Variants in OR51B5 observed in about 807,000 individuals in gnomAD.
The protein encoded by OR51B5 is olfactory receptor family 51 subfamily B member 5.
For synonymous variants in OR51B5, 186 were observed against 144.8 expected (o/e 1.28, Z -2.04); for missense variants, 456 against 374.6 (o/e 1.22, Z -1.79).
At chr11:5,426,894 A>C (rs191421649) in intron 1 of OR51B5, among the ~76,000 whole-genome samples, 5 of 152,226 alleles carry the variant, frequency 3.3e-5, no homozygotes, top group Admixed American at 3.3e-4. Context: ...AAAAGAGACT[A>C]AAGTCAGTTG....
chr11:5,363,457 ACTCT>A lies in OR51B5; in HGVS notation n.85-16551_85-16548del, dbSNP rs10565063. Reference sequence around the variant, plus strand: ...AACCTCTTGACACACATACACACACACTCTCTCTCTCACACAAAAGCGCCACACA... The same window carrying A: ...AACCTCTTGACACACATACACACACACTCTCTCACACAAAAGCGCCACACA... On this transcript the variant is annotated intron_variant and non_coding_transcript_variant, in intron 1 of 4. Transcript: ENST00000415970. Among the ~76,000 whole-genome samples, 1,239 of 150,180 alleles carry A rather than the reference ACTCT, an allele frequency of 8.3e-3. 11 individuals carry two copies. Among genetic ancestry groups the A allele is most frequent in the African/African-American group, 0.028 (1,125 of 40,762 alleles).
intron 1 of OR51B5, chr11:5,402,961 T>C (rs1220449200): frequency 2.1e-6 from 1 of 471,378 alleles, no homozygotes; most frequent in African/African-American, 2.0e-5. Flanking sequence ...GCTGGCCATG[T>C]CTTTGGACCG....
chr11:5,490,548 T>A (rs1851566112), intron 1 of OR51B5, among the ~76,000 whole-genome samples: 1 of 152,210 alleles, frequency 6.6e-6, no homozygotes, highest in African/African-American at 2.4e-5. Flanking sequence ...GTTCCTTTTT[T>A]AATAATAATG....
At chr11:5,443,378 G>T (rs1850719560) in intron 1 of OR51B5, among the ~76,000 whole-genome samples, 2 of 152,026 alleles carry the variant, frequency 1.3e-5, no homozygotes, top group South Asian at 2.1e-4. Flanking sequence ...CCAATGAAAA[G>T]GCAAAGCATC....
At position 5,402,746 on chromosome 11, in the gene OR51B5, C is replaced by T. The variant is rs552504098; in HGVS notation, n.85-55836G>A. ...TCCTTGGGAATGGCATCATTCTTCA[C>T]GTCATCAGAACAGATATTGCCCTAC... On this transcript the variant is annotated intron_variant and non_coding_transcript_variant, in intron 1 of 4. Transcript: ENST00000415970. The T allele has an allele frequency of 5.5e-5, 26 of 471,430 alleles. No individual in the cohort carries two copies. The East Asian group carries it at 6.9e-4, about 13-fold the overall frequency. The allele number at this position is 471,430 out of a possible 1,614,324, so 29.2% of individuals were successfully genotyped here. A position where few individuals can be genotyped will look rare whatever the true frequency, so the allele number is the denominator to read the frequency against.
chr11:5,366,073 G>C (rs1471669216), intron 1 of OR51B5, among the ~76,000 whole-genome samples: 1 of 151,200 alleles, frequency 6.6e-6, no homozygotes. Context: ...GCTGTTAATG[G>C]AAGAGTTGCT....
At chr11:5,350,058 T>C (rs752744841) in intron 1 of OR51B5, among the ~76,000 whole-genome samples, 25 of 152,164 alleles carry the variant, frequency 1.6e-4, no homozygotes, top group African/African-American at 4.1e-4. Context: ...GGGTGAATAA[T>C]CCTGACATGT....
intron 1 of OR51B5, chr11:5,422,461 C>T (rs1227028772): frequency 6.2e-7 from 1 of 1,614,212 alleles, no homozygotes; most frequent in African/African-American, 1.3e-5. Flanking sequence ...TGCAGCTTCT[C>T]TGGTTCAACG....
At chr11:5,341,560 T>C (rs1469956075), downstream of OR51B5, among the ~76,000 whole-genome samples, 2 of 152,188 alleles carry the variant, frequency 1.3e-5, no homozygotes, top group African/African-American at 4.8e-5. Flanking sequence ...ATATTTTAAA[T>C]TGAGTTATGG....
intron 1 of OR51B5, among the ~76,000 whole-genome samples, chr11:5,397,376 A>C (rs1849892763): frequency 1.3e-5 from 2 of 152,226 alleles, no homozygotes; most frequent in African/African-American, 2.4e-5. Flanking sequence ...AAACCCCATC[A>C]AAAAGTGGGC....
chr11:5,438,839 T>C (rs1038354555), intron 1 of OR51B5, among the ~76,000 whole-genome samples: 3 of 152,154 alleles, frequency 2.0e-5, no homozygotes, highest in Non-Finnish European at 2.9e-5. Flanking sequence ...GTTAAACTTT[T>C]AACAATGGAG....
chr11:5,479,259 C>T (rs1851369684), intron 1 of OR51B5, among the ~76,000 whole-genome samples: 1 of 149,638 alleles, frequency 6.7e-6, no homozygotes, highest in Admixed American at 6.7e-5. Context: ...TCCAGCCAAA[C>T]TAAGCTTCAT....
chr11:5,422,271 C>T (rs760036060), intron 1 of OR51B5: 2 of 1,614,064 alleles, frequency 1.2e-6, no homozygotes, highest in Non-Finnish European at 1.7e-6. Context: ...GGATTTGAGG[C>T]CTCCCACATC....
intron 1 of OR51B5, among the ~76,000 whole-genome samples, chr11:5,386,294 C>T (rs557909371): frequency 7.9e-5 from 12 of 152,152 alleles, no homozygotes; most frequent in African/African-American, 1.7e-4. Context: ...CAAGAAGGAC[C>T]GGGCTAAAGA....
chr11:5,493,453 GATAA>G (rs1289321193), intron 1 of OR51B5, among the ~76,000 whole-genome samples: 1 of 152,026 alleles, frequency 6.6e-6, no homozygotes, highest in Non-Finnish European at 1.5e-5. Flanking sequence ...GTTTCTCTCA[GATAA>G]ATAAAGAATT....
At chr11:5,361,002 C>A (rs12287361) in intron 1 of OR51B5, among the ~76,000 whole-genome samples, 38 of 140,308 alleles carry the variant, frequency 2.7e-4, no homozygotes, top group African/African-American at 1.0e-3. Flanking sequence ...GGGTGGGGGT[C>A]GGGGGGAGGG....
chr11:5,437,700 C>T (rs1850611380), intron 1 of OR51B5, among the ~76,000 whole-genome samples: 1 of 152,176 alleles, frequency 6.6e-6, no homozygotes, highest in Non-Finnish European at 1.5e-5. Context: ...AGGTTTGTTT[C>T]TTTTTATTGA....
intron 1 of OR51B5, chr11:5,456,524 C>T (rs141253646): frequency 1.1e-4 from 17 of 151,996 alleles, no homozygotes; most frequent in Non-Finnish European, 1.6e-4. Context: ...CAACATTTTC[C>T]GCTATTGAAA....
intron 1 of OR51B5, chr11:5,489,641 AC>A: frequency 6.2e-7 from 1 of 1,612,974 alleles, no homozygotes; most frequent in East Asian, 2.2e-5. Context: ...AAACTGCTTC[AC>A]CTGGGGAAGA....
Sources: allele counts gnomAD v4.1 joint callset (sites outside exome capture counted in the v4.1 genomes callset), GRCh38; gene constraint gnomAD v4.1.1; transcripts MANE v1.5; gene names NCBI Gene and HGNC (gene_info 2026-07-23, HGNC 2026-07-21).